Variants in FAM193A observed in about 807,000 individuals in gnomAD.
FAM193A encodes the protein family with sequence similarity 193 member A.
FAM193A carries 22 observed loss-of-function variants against 126.5 expected under a neutral mutation model. The ratio of observed to expected loss-of-function variants is 0.17; its 90% confidence interval spans 0.12 to 0.25. FAM193A has a LOEUF of 0.25. Among genes scored for constraint, FAM193A ranks in the 10% least tolerant of loss-of-function variants. FAM193A has a pLI of 1.00. For missense variants in FAM193A, 1,675 were observed against 1,672.8 expected (o/e 1.00, Z -0.02); for synonymous variants, 761 against 646.8 (o/e 1.18, Z -2.68).
At chr4:2,602,214 T>TA (rs34232840) in intron 2 of FAM193A, among the ~76,000 whole-genome samples, 18,181 of 148,120 alleles carry the variant, frequency 0.12, 2,366 homozygotes, top group African/African-American at 0.33. Context: ...GAATGTGATT[T>TA]AAAAAAAAAA....
chr4:2,689,911 G>A (rs957363687), intron 14 of FAM193A, among the ~76,000 whole-genome samples: 6 of 152,152 alleles, frequency 3.9e-5, no homozygotes, highest in African/African-American at 1.4e-4. Flanking sequence ...GTGACAGAGC[G>A]GAGCAAGACT....
chr4:2,554,846 T>C (rs1738161525), intron 1 of FAM193A, among the ~76,000 whole-genome samples: 1 of 152,224 alleles, frequency 6.6e-6, no homozygotes, highest in African/African-American at 2.4e-5. Flanking sequence ...GTAGTTTGCT[T>C]GTCTCTAAAG....
intron 18 of FAM193A, among the ~76,000 whole-genome samples, chr4:2,699,238 G>A (rs556306839): frequency 9.2e-5 from 14 of 152,038 alleles, no homozygotes; most frequent in Non-Finnish European, 1.6e-4. Context: ...GAGTTCTGGC[G>A]GCACGTGTAC....
intron 19 of FAM193A, among the ~76,000 whole-genome samples, chr4:2,711,526 G>A (rs905458326): frequency 2.1e-4 from 32 of 151,398 alleles, no homozygotes; most frequent in Admixed American, 4.6e-4. Context: ...TTTTAGTAGC[G>A]ACGGAGTTTC....
Position 2,699,787 on chromosome 4 carries a change from G to A in FAM193A, c.3615G>A (p.Glu1205=), listed in dbSNP as rs763958344. 1 of 1,613,896 alleles carries A rather than the reference G, an allele frequency of 6.2e-7. No individual in the cohort carries two copies. Among genetic ancestry groups the A allele is most frequent in the South Asian group, 1.1e-5 (1 of 91,054 alleles). The change falls in exon 19 of 21, where the codon GAG becomes GAA. Residue 1205 remains glutamate (E), a synonymous_variant. Coordinates refer to ENST00000637812, the MANE Select transcript of FAM193A (RefSeq NM_001366318.2). ...AGGAGGAGGATGAGGAAGAAGAGGA[G>A]GATCGTTTCAAGGAGGAATTTCAGC... ...REEEEDEEEE[E]DRFKEEFQRL...
chr4:2,595,974 C>CCTATTTTA, intron 1 of FAM193A, 110 bp from the exon 2 acceptor site: 1 of 591,152 alleles, frequency 1.7e-6, no homozygotes, highest in Admixed American at 3.0e-5. Flanking sequence ...TTTTATGTTT[C>CCTATTTTA]TGTATATAAA....
chr4:2,672,264 C>T lies in FAM193A; in HGVS notation c.2223C>T (p.His741=). ...SPEKPTHPAL[H]LYPHIHGHVP... is the part of the protein sequence containing the mutation. Reference sequence around the variant, plus strand: ...AGAAGCCCACACACCCTGCACTGCACCTTTACCCTCACATCCATGGACATG... The same window carrying T: ...AGAAGCCCACACACCCTGCACTGCATCTTTACCCTCACATCCATGGACATG... The change falls in exon 13 of 21, where the codon CAC becomes CAT. Residue 741 remains histidine, a synonymous_variant. Transcript: ENST00000637812. 2 of 1,614,200 alleles carry T rather than the reference C, an allele frequency of 1.2e-6. No individual in the cohort carries two copies. The highest frequency in any genetic ancestry group is 8.5e-7 in the Non-Finnish European group (1 of 1,180,048).
At chr4:2,602,652 T>C (rs1293025908) in intron 2 of FAM193A, among the ~76,000 whole-genome samples, 1 of 151,824 alleles carries the variant, frequency 6.6e-6, no homozygotes, top group Non-Finnish European at 1.5e-5. Context: ...GCCATGTTTT[T>C]CGTTTTGATG....
intron 1 of FAM193A, among the ~76,000 whole-genome samples, chr4:2,541,388 C>G (rs1256277193): frequency 5.9e-5 from 9 of 151,878 alleles, no homozygotes; most frequent in Non-Finnish European, 1.3e-4. Flanking sequence ...CTTTTCTGTT[C>G]CATGTAATCT....
In FAM193A at chr4:2,720,664, A is replaced by C. The variant is rs554139875; in HGVS notation, c.4454+4560A>C. 3.5e-3 allele frequency among the ~76,000 whole-genome samples: 529 copies of C among 149,774 alleles called. 3 individuals carry two copies. Among genetic ancestry groups the C allele is most frequent in the African/African-American group, 0.013 (513 of 40,976 alleles). On this transcript the variant is annotated intron_variant, in intron 20 of 20. Transcript: ENST00000637812. ...ACTCTGTCTAAAAAAAAAAAAAAAA[A>C]CAGTTATTTTTCTCTATACCCACAC... is the stretch of plus-strand genomic sequence containing the variant.
chr4:2,629,870 G>A (rs557194403), intron 4 of FAM193A, among the ~76,000 whole-genome samples: 4 of 152,168 alleles, frequency 2.6e-5, no homozygotes, highest in Admixed American at 6.5e-5. Flanking sequence ...GGTGGCTCAC[G>A]CCTGTAAGTC....
At chr4:2,566,254 A>C (rs1181698026) in intron 1 of FAM193A, among the ~76,000 whole-genome samples, 1 of 152,032 alleles carries the variant, frequency 6.6e-6, no homozygotes, top group African/African-American at 2.4e-5. Context: ...TCACCGTGTT[A>C]GCCAGCATGG....
chr4:2,590,910 C>G (rs908342742), intron 1 of FAM193A, among the ~76,000 whole-genome samples: 3 of 151,816 alleles, frequency 2.0e-5, no homozygotes, highest in Admixed American at 6.6e-5. Flanking sequence ...GCCTGTAATC[C>G]CAGCTACTTG....
intron 1 of FAM193A, among the ~76,000 whole-genome samples, chr4:2,577,411 G>GTTTTTTTTTTTTTTTTT (rs67407606): frequency 5.9e-5 from 6 of 101,872 alleles, no homozygotes; most frequent in Admixed American, 9.2e-5. Context: ...AATTAAAGTG[G>GTTTTTTTTTTTTTTTTT]TTTTTTTTTT....
rs764312520 is a variant in FAM193A at position 2,659,883 on chromosome 4, A to G, written c.1574A>G (p.Asp525Gly). ...ATCATGGACCCCCCCGTCACTGATG[A>G]CATCCACATTCACCAGCTCCCACTT... ...CGIMDPPVTD[D>G]IHIHQLPLQV... The change falls in exon 10 of 21, where the codon GAC (aspartate) becomes GGC (glycine). Residue 525 changes from aspartate to glycine, a missense_variant. Coordinates refer to ENST00000637812, the MANE Select transcript of FAM193A (RefSeq NM_001366318.2). 1.2e-6 allele frequency: 2 copies of G among 1,614,110 alleles called. No individual in the cohort carries two copies. The highest frequency in any genetic ancestry group is 1.7e-6 in the Non-Finnish European group (2 of 1,180,006).
intron 20 of FAM193A, among the ~76,000 whole-genome samples, chr4:2,726,778 CAAAAAA>C (rs71589604): frequency 4.4e-5 from 2 of 44,946 alleles, no homozygotes; most frequent in Non-Finnish European, 8.1e-5. Context: ...CTAAAAATAC[CAAAAAA>C]AAAAAAAAAA....
chr4:2,550,489 T>C (rs1479784580), intron 1 of FAM193A, among the ~76,000 whole-genome samples: 1 of 152,092 alleles, frequency 6.6e-6, no homozygotes, highest in Non-Finnish European at 1.5e-5. Context: ...CAGGCTGCAG[T>C]GTAATGGCAC....
chr4:2,701,172 T>A (rs867377091), intron 19 of FAM193A, among the ~76,000 whole-genome samples: 2 of 151,408 alleles, frequency 1.3e-5, no homozygotes. Flanking sequence ...AAGACACTTA[T>A]AAAACCACAG....
At chr4:2,680,838 C>T (rs1463543836) in intron 13 of FAM193A, among the ~76,000 whole-genome samples, 4 of 151,900 alleles carry the variant, frequency 2.6e-5, no homozygotes, top group African/African-American at 9.7e-5. Context: ...GATGGGGTTT[C>T]ACCATGTTGG....
Sources: allele counts gnomAD v4.1 joint callset (sites outside exome capture counted in the v4.1 genomes callset), GRCh38; gene constraint gnomAD v4.1.1; transcripts MANE v1.5; gene names NCBI Gene and HGNC (gene_info 2026-07-23, HGNC 2026-07-21).